Variants in CABCOCO1 observed in about 807,000 individuals in gnomAD.
CABCOCO1 encodes the protein ciliary associated calcium binding coiled-coil 1, also known as ciliary-associated calcium-binding coiled-coil protein 1.
CABCOCO1 carries 28 observed loss-of-function variants against 35.7 expected under a neutral mutation model. The observed-to-expected ratio is 0.78, with a 90% CI of 0.58 to 1.07. CABCOCO1 has a LOEUF of 1.07. CABCOCO1 is among the 50% of genes least tolerant of loss of function. The pLI is 0.00. For synonymous variants in CABCOCO1, 95 were observed against 100.1 expected, an observed-to-expected ratio of 0.95 and a Z score of 0.30; for missense variants, 326 against 309.2, an observed-to-expected ratio of 1.05 and a Z score of -0.41.
At chr10:61,676,521 C>T (rs999409796) in intron 2 of CABCOCO1, among the ~76,000 whole-genome samples, 4 of 151,996 alleles carry the variant, frequency 2.6e-5, no homozygotes, top group African/African-American at 9.7e-5. Context: ...TATAGTAATG[C>T]TATTTAAAAT....
chr10:61,683,186 C>T (rs1019626420), intron 3 of CABCOCO1, among the ~76,000 whole-genome samples: 3 of 152,112 alleles, frequency 2.0e-5, no homozygotes, highest in African/African-American at 2.4e-5. Context: ...CCACTGTGCC[C>T]GGCCATGAAT....
chr10:61,680,550 CATATA>C (rs1471950808), intron 2 of CABCOCO1, among the ~76,000 whole-genome samples: 7 of 121,488 alleles, frequency 5.8e-5, no homozygotes, highest in African/African-American at 2.1e-4. Context: ...TTATATATAA[CATATA>C]ATATATATTT....
chr10:61,665,920 C>A (rs555906829), intron 1 of CABCOCO1, among the ~76,000 whole-genome samples: 6 of 151,640 alleles, frequency 4.0e-5, no homozygotes, highest in African/African-American at 9.7e-5. Context: ...GGAATTGAAT[C>A]ATAAGTAGTA....
At chr10:61,709,496 T>G (rs559998133) in intron 5 of CABCOCO1, among the ~76,000 whole-genome samples, 81 of 152,130 alleles carry the variant, frequency 5.3e-4, no homozygotes, top group Non-Finnish European at 7.7e-4. Context: ...CCATAAAAAC[T>G]CAGTTAAAAT....
intron 5 of CABCOCO1, among the ~76,000 whole-genome samples, chr10:61,693,404 G>A (rs1290480717): frequency 1.3e-5 from 2 of 152,040 alleles, no homozygotes; most frequent in Non-Finnish European, 2.9e-5. Flanking sequence ...AAACATGAAT[G>A]TTTGAAATTT....
intron 5 of CABCOCO1, among the ~76,000 whole-genome samples, chr10:61,726,123 T>C (rs763804508): frequency 1.3e-5 from 2 of 152,218 alleles, no homozygotes; most frequent in African/African-American, 2.4e-5. Context: ...CCCCTTGACA[T>C]AGCAATTTTA....
intron 5 of CABCOCO1, among the ~76,000 whole-genome samples, chr10:61,720,587 G>T (rs1840980513): frequency 6.6e-6 from 1 of 152,152 alleles, no homozygotes; most frequent in Non-Finnish European, 1.5e-5. Flanking sequence ...AAATGGTAGA[G>T]GATTATTAAA....
At chr10:61,680,504 TTA>T (rs1350145642) in intron 2 of CABCOCO1, among the ~76,000 whole-genome samples, 3 of 137,932 alleles carry the variant, frequency 2.2e-5, no homozygotes, top group Admixed American at 7.5e-5. Context: ...ATATGTTATA[TTA>T]TGTTATATAT....
At chr10:61,758,402 G>A (rs754711093) in intron 5 of CABCOCO1, among the ~76,000 whole-genome samples, 59 of 152,060 alleles carry the variant, frequency 3.9e-4, no homozygotes, top group Admixed American at 1.1e-3. Context: ...AAATCATTTC[G>A]TGGGAAGGTG....
At chr10:61,727,602 T>C (rs2132049727) in intron 5 of CABCOCO1, among the ~76,000 whole-genome samples, 1 of 152,298 alleles carries the variant, frequency 6.6e-6, no homozygotes, top group East Asian at 1.9e-4. Flanking sequence ...AAGCAAAGAT[T>C]TTTGCATGTT....
At chr10:61,752,021 T>A (rs1353881531) in intron 5 of CABCOCO1, among the ~76,000 whole-genome samples, 1 of 152,232 alleles carries the variant, frequency 6.6e-6, no homozygotes, top group Non-Finnish European at 1.5e-5. Context: ...CATGTATTGC[T>A]ATGTACACCG....
chr10:61,715,799 G>T (rs1840850245), intron 5 of CABCOCO1, among the ~76,000 whole-genome samples: 1 of 152,038 alleles, frequency 6.6e-6, no homozygotes, highest in South Asian at 2.1e-4. Context: ...TGACATTCTG[G>T]GTTGAAAATT....
intron 4 of CABCOCO1, among the ~76,000 whole-genome samples, chr10:61,687,902 CAGTT>C (rs1179789375): frequency 1.3e-5 from 2 of 151,960 alleles, no homozygotes; most frequent in African/African-American, 4.8e-5. Context: ...TATAAAATAT[CAGTT>C]AGTAGGATAT....
At position 61,666,593 on chromosome 10, in the gene CABCOCO1, T is replaced by G. The variant is rs372588102; in HGVS notation, c.60+3561T>G. On this transcript the variant is annotated intron_variant, in intron 1 of 7. Transcript: ENST00000648843. ...CTTATTTAAGAAGTCCTGCTCCTCC[T>G]CTCCCTTCTGTCTTCCTCCCTAGAT... is the stretch of plus-strand genomic sequence containing the variant. 4.6e-5 allele frequency among the ~76,000 whole-genome samples: 7 copies of G among 152,252 alleles called. No individual in the cohort carries two copies. The South Asian group carries it at 1.5e-3, about 32-fold the overall frequency.
chr10:61,720,752 G>C (rs1840986058), intron 5 of CABCOCO1, among the ~76,000 whole-genome samples: 1 of 151,950 alleles, frequency 6.6e-6, no homozygotes, highest in Non-Finnish European at 1.5e-5. Context: ...AGGATTCTGG[G>C]CATGAAACAA....
chr10:61,748,724 T>C (rs1841718275), intron 5 of CABCOCO1, among the ~76,000 whole-genome samples: 1 of 152,182 alleles, frequency 6.6e-6, no homozygotes, highest in African/African-American at 2.4e-5. Context: ...CATTCTCTGT[T>C]TCCCACTCAA....
chr10:61,667,286 G>T (rs1235355437), intron 1 of CABCOCO1, among the ~76,000 whole-genome samples: 1 of 149,556 alleles, frequency 6.7e-6, no homozygotes, highest in African/African-American at 2.4e-5. Flanking sequence ...TACAAAATAA[G>T]TCTTTGGATT....
chr10:61,729,060 C>T (rs1327420121), intron 5 of CABCOCO1, among the ~76,000 whole-genome samples: 2 of 152,082 alleles, frequency 1.3e-5, no homozygotes, highest in Non-Finnish European at 2.9e-5. Flanking sequence ...CTAGAATAAA[C>T]CATGTGGTGT....
intron 5 of CABCOCO1, among the ~76,000 whole-genome samples, chr10:61,712,009 T>A (rs1840743124): frequency 6.6e-6 from 1 of 152,118 alleles, no homozygotes; most frequent in Non-Finnish European, 1.5e-5. Context: ...GTAATGGGAT[T>A]GCTGGGTCAA....
Sources: gnomAD v4.1 joint callset for allele counts (sites outside exome capture counted in the v4.1 genomes callset) on GRCh38, gnomAD v4.1.1 for gene constraint, MANE v1.5 for transcripts, NCBI Gene and HGNC (gene_info 2026-07-23, HGNC 2026-07-21) for gene names.